The following RTEL1 variants were observed in gnomAD, a reference collection of about 807,000 sequenced individuals.
RTEL1 encodes regulator of telomere length.
Under a neutral mutation model 162.2 loss-of-function variants are expected in RTEL1, and 86 were observed. That is an observed-to-expected ratio of 0.53 (90% confidence interval 0.45 to 0.63). The LOEUF (loss-of-function observed/expected upper bound fraction) is 0.63. Ranked by LOEUF, RTEL1 falls within the 30% of genes least tolerant of loss-of-function variation. The pLI is 0.00. For synonymous variants in RTEL1, 958 were observed against 717.9 expected, an observed-to-expected ratio of 1.33 and a Z score of -5.35; for missense variants, 1,941 against 1,750.2, an observed-to-expected ratio of 1.11 and a Z score of -1.95.
intron 28 of RTEL1, 106 bp from the exon 29 acceptor site, chr20:63,692,699 C>A: frequency 9.1e-7 from 1 of 1,104,516 alleles, no homozygotes. Flanking sequence ...CCCACCTCGG[C>A]AGTCACTGTC....
At chr20:63,679,515 G>A (rs1055342777) in intron 12 of RTEL1, among the ~76,000 whole-genome samples, 4 of 152,078 alleles carry the variant, frequency 2.6e-5, no homozygotes, top group Admixed American at 6.5e-5. Context: ...GCTCTGAGGC[G>A]GCTTCTTTTC....
Position 63,694,827 on chromosome 20 carries a change from G to A in RTEL1, c.3196G>A (p.Asp1066Asn), listed in dbSNP as rs748671796. The change falls in exon 32 of 35, where the codon GAT (aspartate) becomes AAT (asparagine). Residue 1066 changes from aspartate (D) to asparagine (N), a missense_variant. By Grantham distance (23) the Asp-to-Asn change is conservative. Transcript: ENST00000360203. Reference protein sequence around the residue: ...GQHAVSAYLADARRALGSAGC... With the variant: ...GQHAVSAYLANARRALGSAGC... ...GCACGCCGTGAGCGCCTACCTGGCTGATGCCCGCAGGGCCCTGGGGTCCGC... is the reference window on the plus strand; with the variant it reads ...GCACGCCGTGAGCGCCTACCTGGCTAATGCCCGCAGGGCCCTGGGGTCCGC... The A allele has an allele frequency of 1.9e-6, 3 of 1,612,452 alleles. No individual in the cohort carries two copies. Among genetic ancestry groups the A allele is most frequent in the Admixed American group, 1.7e-5 (1 of 59,998 alleles).
Position 63,690,347 on chromosome 20 carries a change from T to A in RTEL1, c.2319T>A (p.Ala773=). 6.2e-7 allele frequency: 1 copy of A among 1,611,690 alleles called. No homozygotes were observed. Among genetic ancestry groups the A allele is most frequent in the South Asian group, 1.1e-5 (1 of 91,002 alleles). Residue 773 remains alanine, a synonymous_variant, in exon 26 of 35, where the codon GCT becomes GCA. Transcript: ENST00000360203. ...ATAPSVRGED[A]VSEAKSPGPF... ...CACCCAGTGTGCGTGGAGAAGATGC[T>A]GTCAGCGAGGCCAAGTCGCCTGGCC...
chr20:63,692,649 C>T (rs11906200), intron 28 of RTEL1, 156 bp from the exon 29 acceptor site: 1 of 697,746 alleles, frequency 1.4e-6, no homozygotes, highest in Non-Finnish European at 2.4e-6. Context: ...CGCAGCCCCT[C>T]CCTATGTCCA....
chr20:63,695,857 G>T lies in RTEL1; in HGVS notation c.3902G>T (p.Ter1301LeuextTer13). The T allele has an allele frequency of 6.3e-7, 1 of 1,584,738 alleles. No individual in the cohort carries two copies. Among genetic ancestry groups the T allele is most frequent in the Non-Finnish European group, 8.6e-7 (1 of 1,167,190 alleles). Residue 1301 changes from the stop codon to leucine (L), a stop_lost, in exon 35 of 35, where the codon TGA becomes TTA. Coordinates refer to ENST00000360203, the MANE Select transcript of RTEL1 (RefSeq NM_001283009.2). ...VMQVFWPEPQ[*>L] ...CAGGTCTTCTGGCCAGAGCCCCAGT[G>T]AGTGCCCACGGAGGCCCCCAGCACA...
chr20:63,680,861 G>T, intron 14 of RTEL1, 142 bp downstream of exon 14: 1 of 1,495,364 alleles, frequency 6.7e-7, no homozygotes, highest in South Asian at 1.3e-5. Context: ...GCAAACTCTC[G>T]GCTCCTTTCC....
In RTEL1 at chr20:63,690,709, G is replaced by A. The variant is rs898148254; in HGVS notation, c.2414-96G>A. ...AGGACACCCACAGGCAGGACCCCAA[G>A]TGCTGGGACTCTCCCCCAAGAGGGG... On this transcript the variant is annotated intron_variant, in intron 26 of 34. Coordinates refer to ENST00000360203, the MANE Select transcript of RTEL1 (RefSeq NM_001283009.2). 31 of 1,392,630 alleles carry A rather than the reference G, an allele frequency of 2.2e-5. No individual in the cohort carries two copies. The East Asian group carries it at 3.3e-4, about 15-fold the overall frequency. 86.3% of individuals were successfully genotyped at this position (1,392,630 alleles called of 1,614,324 possible).
At chr20:63,681,047 AGCCCCAGCT>A in intron 14 of RTEL1, 1 of 985,416 alleles carries the variant, frequency 1.0e-6, no homozygotes, top group Non-Finnish European at 1.2e-6. Flanking sequence ...CAGCCCCAGC[AGCCCCAGCT>A]GCACGCAGAT....
chr20:63,695,964 C>A lies in RTEL1; in HGVS notation c.*106C>A. Reference sequence around the variant, plus strand: ...ACAGAATAGGCCAGCCCATGCCAGCCGGCTTGGCCCGCTGCAGGCCTCAGG... The same window carrying A: ...ACAGAATAGGCCAGCCCATGCCAGCAGGCTTGGCCCGCTGCAGGCCTCAGG... On this transcript the variant is annotated 3_prime_UTR_variant, in exon 35 of 35. Transcript: ENST00000360203. The A allele has an allele frequency of 8.6e-7, 1 of 1,159,180 alleles. No individual in the cohort carries two copies. The highest frequency in any genetic ancestry group is 2.6e-5 in the East Asian group (1 of 38,836). 71.8% of individuals were successfully genotyped at this position (1,159,180 alleles called of 1,614,324 possible).
rs762854518 is a variant in RTEL1 at position 63,667,529 on chromosome 20, G to T, written c.675G>T (p.Pro225=). The T allele has an allele frequency of 3.5e-5, 56 of 1,613,688 alleles. No homozygotes were observed. The highest frequency in any genetic ancestry group is 3.3e-4 in the Middle Eastern group (2 of 6,082). Residue 225 remains proline, a synonymous_variant, in exon 8 of 35, where the codon CCG becomes CCT. Transcript: ENST00000360203. ...AGCAAGCCGACATCATATTCATGCC[G>T]TACAATTACTTGTTGGATGCCAAGG... ...LKQQADIIFM[P]YNYLLDAKSR...
intron 7 of RTEL1, among the ~76,000 whole-genome samples, 191 bp from the exon 8 acceptor site, chr20:63,667,278 C>T (rs529162543): frequency 1.1e-4 from 16 of 151,970 alleles, no homozygotes; most frequent in African/African-American, 2.9e-4. Flanking sequence ...ATCCCTTGGT[C>T]GGAAACTCAC....
chr20:63,664,754 G>C (rs1204321172), intron 6 of RTEL1, among the ~76,000 whole-genome samples: 1 of 152,214 alleles, frequency 6.6e-6, no homozygotes, highest in African/African-American at 2.4e-5. Flanking sequence ...CTCCTGGAGG[G>C]GTCTGAGAGG....
intron 33 of RTEL1, 34 bp from the exon 34 acceptor site, chr20:63,695,294 C>T (rs762385361): frequency 6.3e-7 from 1 of 1,587,524 alleles, no homozygotes; most frequent in African/African-American, 1.3e-5. Flanking sequence ...AGCAAAGCCC[C>T]AGGCCCCCCT....
At chr20:63,664,033 T>C (rs920777013) in intron 6 of RTEL1, among the ~76,000 whole-genome samples, 2 of 152,124 alleles carry the variant, frequency 1.3e-5, no homozygotes, top group Non-Finnish European at 2.9e-5. Flanking sequence ...TGTTGCTTCT[T>C]GTTCGCTGTG....
At chr20:63,666,159 T>C in intron 7 of RTEL1, 80 bp downstream of exon 7, 1 of 1,067,978 alleles carries the variant, frequency 9.4e-7, no homozygotes, top group Non-Finnish European at 1.4e-6. Flanking sequence ...CCGGATATAT[T>C]TCTTCACTTT....
In RTEL1 at chr20:63,659,522, A is replaced by G. The variant is rs2089975808; in HGVS notation, c.102+18A>G. Reference sequence around the variant, plus strand: ...TGCAGCAGGTAGAGCACAGGCCCCGAGGAAAGGACTGCGGGTGGGTGGAGC... The same window carrying G: ...TGCAGCAGGTAGAGCACAGGCCCCGGGGAAAGGACTGCGGGTGGGTGGAGC... On this transcript the variant is annotated intron_variant, in intron 2 of 34. Transcript: ENST00000360203. The G allele has an allele frequency of 1.3e-6, 2 of 1,577,718 alleles. No individual in the cohort carries two copies. Among genetic ancestry groups the G allele is most frequent in the East Asian group, 4.5e-5 (2 of 44,690 alleles).
intron 16 of RTEL1, among the ~76,000 whole-genome samples, chr20:63,686,205 T>G (rs1265554702): frequency 6.6e-6 from 1 of 152,212 alleles, no homozygotes; most frequent in East Asian, 1.9e-4. Flanking sequence ...GAGGCACGGC[T>G]CTGCCTGCTG....
chr20:63,695,303 C>T (rs780328256), intron 33 of RTEL1, 25 bp from the exon 34 acceptor site: 45 of 1,580,838 alleles, frequency 2.8e-5, no homozygotes, highest in South Asian at 5.7e-5. Context: ...CCAGGCCCCC[C>T]TCAGACTCAA....
At chr20:63,676,892 A>T (rs6062487) in intron 10 of RTEL1, among the ~76,000 whole-genome samples, 20,559 of 137,682 alleles carry the variant, frequency 0.15, 1,488 homozygotes, top group Admixed American at 0.21. Flanking sequence ...CCGAGATCGC[A>T]CCATTGCACT....
Sources: gnomAD v4.1 joint callset for allele counts (sites outside exome capture counted in the v4.1 genomes callset) on GRCh38, gnomAD v4.1.1 for gene constraint, MANE v1.5 for transcripts, NCBI Gene and HGNC (gene_info 2026-07-23, HGNC 2026-07-21) for gene names.